SYT10: variants seen among roughly 807,000 people sequenced by gnomAD.
SYT10 encodes synaptotagmin-10.
In SYT10, 31 loss-of-function variants were observed where a neutral mutation model predicts 51.1. That is an observed-to-expected ratio of 0.61 (90% confidence interval 0.46 to 0.82). The LOEUF is 0.82. Ranked by LOEUF, SYT10 falls within the 40% of genes least tolerant of loss-of-function variation. The pLI is 0.00. For missense variants in SYT10, 603 were observed against 634.0 expected (o/e 0.95, Z 0.53); for synonymous variants, 233 against 225.9 (o/e 1.03, Z -0.28).
chr12:33,406,645 G>T, intron 3 of SYT10, 144 bp downstream of exon 3: 1 of 693,850 alleles, frequency 1.4e-6, no homozygotes, highest in Non-Finnish European at 2.3e-6. Context: ...ATTATTATTA[G>T]TAGAAATGAA....
chr12:33,409,518 CT>C (rs60672554), intron 2 of SYT10, among the ~76,000 whole-genome samples: 14,838 of 140,106 alleles, frequency 0.11, 834 homozygotes, highest in Admixed American at 0.16. Flanking sequence ...GATTTCTTTT[CT>C]TTTTTTTTTT....
At chr12:33,405,449 G>A (rs898797685) in intron 3 of SYT10, 1 of 152,032 alleles carries the variant, frequency 6.6e-6, no homozygotes, top group Non-Finnish European at 1.5e-5. Flanking sequence ...TATTGCAATA[G>A]AGATTATGAC....
chr12:33,405,456 T>C (rs1438330969), intron 3 of SYT10: 2 of 152,208 alleles, frequency 1.3e-5, no homozygotes, highest in South Asian at 2.1e-4. Flanking sequence ...ATAGAGATTA[T>C]GACACAAAAA....
At chr12:33,385,736 C>A (rs1239455371) in intron 3 of SYT10, among the ~76,000 whole-genome samples, 3 of 152,206 alleles carry the variant, frequency 2.0e-5, no homozygotes, top group Non-Finnish European at 4.4e-5. Context: ...CAGTGACTTT[C>A]TTTTCAGCTC....
intron 1 of SYT10, among the ~76,000 whole-genome samples, chr12:33,436,383 GAT>G (rs1866637715): frequency 6.6e-6 from 1 of 152,098 alleles, no homozygotes; most frequent in African/African-American, 2.4e-5. Flanking sequence ...CAAAATATCT[GAT>G]ATTCTAAAAA....
At chr12:33,382,608 T>C in intron 4 of SYT10, 88 bp from the exon 5 acceptor site, 1 of 1,274,308 alleles carries the variant, frequency 7.8e-7, no homozygotes, top group Non-Finnish European at 1.0e-6. Flanking sequence ...AAATAAGACC[T>C]ATAGTACTAA....
At chr12:33,378,129 C>T (rs192295963) in intron 6 of SYT10, among the ~76,000 whole-genome samples, 19 of 152,240 alleles carry the variant, frequency 1.2e-4, no homozygotes, top group Non-Finnish European at 2.6e-4. Flanking sequence ...AATGTAGGAG[C>T]AGGGGTTAAA....
intron 3 of SYT10, among the ~76,000 whole-genome samples, chr12:33,401,555 C>T (rs1269763272): frequency 1.3e-5 from 2 of 152,108 alleles, no homozygotes; most frequent in Middle Eastern, 3.4e-3. Flanking sequence ...ATCATAAATA[C>T]AAAATATATG....
Position 33,407,102 on chromosome 12 carries a change from G to A in SYT10, c.764C>T (p.Ala255Val), listed in dbSNP as rs371197459. Residue 255 changes from alanine (A) to valine (V), a missense_variant, in exon 3 of 7, where the codon GCT (alanine) becomes GTT (valine). Coordinates refer to ENST00000228567, the MANE Select transcript of SYT10 (RefSeq NM_198992.4). ...NELLVVKIIK[A>V]LDLPAKDFTG... is the part of the protein sequence containing the mutation. ...GAAGTCTTTAGCAGGGAGATCTAAAGCTTTGATAATTTTAACAACTAGAAG... is the reference window on the plus strand; with the variant it reads ...GAAGTCTTTAGCAGGGAGATCTAAAACTTTGATAATTTTAACAACTAGAAG... 22 of 1,613,574 alleles carry A rather than the reference G, an allele frequency of 1.4e-5. No individual in the cohort carries two copies. The highest frequency in any genetic ancestry group is 2.7e-5 in the African/African-American group (2 of 74,828).
intron 3 of SYT10, among the ~76,000 whole-genome samples, chr12:33,389,222 T>C (rs780598654): frequency 2.0e-5 from 3 of 152,108 alleles, no homozygotes; most frequent in Non-Finnish European, 4.4e-5. Flanking sequence ...GGCAAGGTGT[T>C]GGTGACATGA....
intron 1 of SYT10, among the ~76,000 whole-genome samples, chr12:33,435,468 T>C (rs571191346): frequency 2.6e-5 from 4 of 152,322 alleles, no homozygotes; most frequent in South Asian, 4.1e-4. Context: ...CACTCTTCAG[T>C]GGAGTGACAA....
chr12:33,412,602 G>T (rs1866416275), intron 2 of SYT10, among the ~76,000 whole-genome samples: 1 of 151,900 alleles, frequency 6.6e-6, no homozygotes, highest in Admixed American at 6.6e-5. Context: ...AATTACTTTT[G>T]CACCAACCTG....
chr12:33,377,177 T>C (rs1866070319), intron 6 of SYT10, among the ~76,000 whole-genome samples: 2 of 152,178 alleles, frequency 1.3e-5, no homozygotes, highest in Admixed American at 1.3e-4. Context: ...TTTCAAATTT[T>C]ACAACAGGGT....
intron 3 of SYT10, among the ~76,000 whole-genome samples, chr12:33,400,320 T>A (rs1866291639): frequency 6.6e-6 from 1 of 152,112 alleles, no homozygotes; most frequent in Admixed American, 6.6e-5. Context: ...TATTAAAAAA[T>A]TTTAGTAATG....
At chr12:33,412,532 T>C (rs1381726394) in intron 2 of SYT10, among the ~76,000 whole-genome samples, 1 of 152,140 alleles carries the variant, frequency 6.6e-6, no homozygotes, top group East Asian at 1.9e-4. Flanking sequence ...TGAAACCTAG[T>C]ATTAGGTTGG....
intron 1 of SYT10, among the ~76,000 whole-genome samples, chr12:33,436,626 T>G (rs766401456): frequency 6.6e-6 from 1 of 152,130 alleles, no homozygotes; most frequent in African/African-American, 2.4e-5. Flanking sequence ...AAAATAATGG[T>G]GATACTTGCA....
At position 33,407,275 on chromosome 12, in the gene SYT10, T is replaced by C. The variant is rs767363148; in HGVS notation, c.591A>G (p.Leu197=). The change falls in exon 3 of 7, where the codon TTA becomes TTG. Residue 197 remains leucine (L), a synonymous_variant. Coordinates refer to ENST00000228567, the MANE Select transcript of SYT10 (RefSeq NM_198992.4). ...TGCTGGTTGTTGTTTCTCCTCGTTG[T>C]AAAACAGGTTCTGTGCCCATGCTAA... ...VDFSMGTEPV[L]QRGETTTSIG... is the part of the protein sequence containing the mutation. The C allele has an allele frequency of 1.9e-6, 3 of 1,613,482 alleles. No individual in the cohort carries two copies. Among genetic ancestry groups the C allele is most frequent in the Non-Finnish European group, 8.5e-7 (1 of 1,180,042 alleles).
intron 3 of SYT10, among the ~76,000 whole-genome samples, chr12:33,389,223 G>T (rs983251347): frequency 6.6e-6 from 1 of 152,118 alleles, no homozygotes; most frequent in African/African-American, 2.4e-5. Flanking sequence ...GCAAGGTGTT[G>T]GTGACATGAA....
intron 1 of SYT10, among the ~76,000 whole-genome samples, chr12:33,436,888 A>T (rs535055970): frequency 6.6e-6 from 1 of 152,316 alleles, no homozygotes; most frequent in East Asian, 1.9e-4. Context: ...AACATTGTTG[A>T]TGTCTTCCTA....
Sources: gnomAD v4.1 joint callset for allele counts (sites outside exome capture counted in the v4.1 genomes callset) on GRCh38, gnomAD v4.1.1 for gene constraint, MANE v1.5 for transcripts, NCBI Gene and HGNC (gene_info 2026-07-23, HGNC 2026-07-21) for gene names.